The following NDUFS7 variants were observed in gnomAD, a reference collection of about 807,000 sequenced individuals.
The protein encoded by NDUFS7 is NADH:ubiquinone oxidoreductase core subunit S7.
In NDUFS7, 11 loss-of-function variants were observed where a neutral mutation model predicts 31.1. The observed-to-expected ratio is 0.35, with a 90% CI of 0.22 to 0.59. NDUFS7 has a LOEUF of 0.59. Ranked by LOEUF, NDUFS7 falls within the 20% of genes least tolerant of loss-of-function variation. NDUFS7 has a pLI of 0.79. For missense variants in NDUFS7, 263 were observed against 324.2 expected, an observed-to-expected ratio of 0.81 and a Z score of 1.45; for synonymous variants, 136 against 127.9, an observed-to-expected ratio of 1.06 and a Z score of -0.43.
At chr19:1,387,999 C>T (rs1178544791) in intron 2 of NDUFS7, 152 bp downstream of exon 2, 10 of 767,072 alleles carry the variant, frequency 1.3e-5, no homozygotes, top group South Asian at 3.1e-5. Flanking sequence ...GCACGCTGCC[C>T]GTGATGTGCC....
intron 1 of NDUFS7, chr19:1,387,159 A>T (rs2082512645): frequency 6.4e-6 from 1 of 155,942 alleles, no homozygotes; most frequent in Non-Finnish European, 1.4e-5. Flanking sequence ...CGGACTGCAG[A>T]TTCCTGCAGG....
Position 1,388,569 on chromosome 19 carries a change from G to T in NDUFS7, c.98G>T (p.Ser33Ile), listed in dbSNP as rs2082525560. 1 of 1,612,254 alleles carries T rather than the reference G, an allele frequency of 6.2e-7. No homozygotes were observed. The highest frequency in any genetic ancestry group is 8.5e-7 in the Non-Finnish European group (1 of 1,179,892). ...PAVQARGVHQ[S>I]VATDGPSSTQ... ...GTGCAGGCACGAGGTGTCCATCAGA[G>T]CGTGGCCACCGATGGCCCAAGCAGG... Residue 33 changes from serine to isoleucine, a missense_variant, in exon 3 of 8, where the codon AGC becomes ATC. Transcript: ENST00000233627.
intron 7 of NDUFS7, chr19:1,394,667 T>TGCAGACCGCGCTCGG (rs2082583403): frequency 8.2e-7 from 1 of 1,217,624 alleles, no homozygotes. Context: ...CCTCCCTCCC[T>TGCAGACCGCGCTCGG]CCCTGCGGAC....
In NDUFS7 at chr19:1,391,178, C is replaced by G; in HGVS notation, c.455+13C>G. 1 of 1,610,822 alleles carries G rather than the reference C, an allele frequency of 6.2e-7. No homozygotes were observed. Among genetic ancestry groups the G allele is most frequent in the Non-Finnish European group, 8.5e-7 (1 of 1,179,082 alleles). On this transcript the variant is annotated intron_variant, in intron 6 of 7. Transcript: ENST00000233627. Reference sequence around the variant, plus strand: ...TCTCCATGGGGAGGTGAGTGCAGGGCGGGGGGTCTCCAGGGACAGACGTAG... The same window carrying G: ...TCTCCATGGGGAGGTGAGTGCAGGGGGGGGGGTCTCCAGGGACAGACGTAG...
intron 1 of NDUFS7, among the ~76,000 whole-genome samples, chr19:1,385,108 CT>C (rs1208532967): frequency 2.6e-5 from 4 of 152,206 alleles, no homozygotes; most frequent in Non-Finnish European, 5.9e-5. Flanking sequence ...CCAGCCTACG[CT>C]AAGAATTGAA....
In NDUFS7 at chr19:1,387,914, G is replaced by T. The variant is rs575175431; in HGVS notation, c.53+67G>T. 3.9e-4 allele frequency: 158 copies of T among 405,756 alleles called. 9 individuals carry two copies. In the East Asian group the frequency reaches 6.0e-3, roughly 15 times the overall value. 25.1% of individuals were successfully genotyped at this position (405,756 alleles called of 1,614,324 possible). On this transcript the variant is annotated intron_variant, in intron 2 of 7. Coordinates refer to ENST00000233627, the MANE Select transcript of NDUFS7 (RefSeq NM_024407.5). ...CAGCAGCGACAGACGAACGGGGCGG[G>T]GGGGGTGGGGGGTGGGGGGAGCGCC...
chr19:1,394,217 C>A, intron 7 of NDUFS7: 1 of 444,450 alleles, frequency 2.2e-6, no homozygotes, highest in Non-Finnish European at 3.9e-6. Flanking sequence ...CTGGAAAGGG[C>A]GTTGATTTGT....
intron 1 of NDUFS7, among the ~76,000 whole-genome samples, chr19:1,387,582 G>T (rs1177954980): frequency 1.3e-5 from 2 of 152,172 alleles, no homozygotes; most frequent in Non-Finnish European, 1.5e-5. Context: ...GCCAGGGCGG[G>T]GAGACGGGGC....
intron 7 of NDUFS7, 65 bp from the exon 8 acceptor site, chr19:1,395,326 G>T: frequency 6.4e-7 from 1 of 1,550,998 alleles, no homozygotes; most frequent in South Asian, 1.2e-5. Context: ...CGAGCCGGCT[G>T]CGCTGTGCAC....
At chr19:1,389,640 C>T (rs1278895172) in intron 4 of NDUFS7, 2 of 390,038 alleles carry the variant, frequency 5.1e-6, no homozygotes, top group Admixed American at 5.7e-5. Context: ...TCTCGGTACC[C>T]GTTTAAAGCC....
At chr19:1,388,968 G>A (rs375830930) in intron 4 of NDUFS7, 30 bp downstream of exon 4, 8 of 1,552,238 alleles carry the variant, frequency 5.2e-6, no homozygotes, top group African/African-American at 2.7e-5. Context: ...GGCCCTCCTC[G>A]AGCGCCAGGG....
At chr19:1,391,235 C>T (rs1045195707) in intron 6 of NDUFS7, 70 bp downstream of exon 6, 12 of 1,555,134 alleles carry the variant, frequency 7.7e-6, no homozygotes, top group Middle Eastern at 2.1e-4. Flanking sequence ...GCCCTGATGG[C>T]GCTTATCAAA....
chr19:1,384,338 A>T (rs1474728367), intron 1 of NDUFS7, among the ~76,000 whole-genome samples: 1 of 152,122 alleles, frequency 6.6e-6, no homozygotes, highest in Non-Finnish European at 1.5e-5. Flanking sequence ...TCGAGGTCAC[A>T]GGGCCGGGCC....
chr19:1,384,073 G>A, intron 1 of NDUFS7, 131 bp downstream of exon 1: 1 of 1,034,326 alleles, frequency 9.7e-7, no homozygotes, highest in South Asian at 1.8e-5. Context: ...CTCCGAGCCG[G>A]CCGCTCCTCG....
At chr19:1,390,528 G>A (rs193140276) in intron 4 of NDUFS7, 1 of 448,188 alleles carries the variant, frequency 2.2e-6, no homozygotes, top group Admixed American at 3.6e-5. Context: ...AGAGTTCCCG[G>A]TTAGACCTGC....
chr19:1,389,469 C>T (rs768817108), intron 4 of NDUFS7: 14 of 457,584 alleles, frequency 3.1e-5, no homozygotes, highest in Non-Finnish European at 4.8e-5. Flanking sequence ...CTGTGCTGGC[C>T]TGGTGGCCTG....
intron 4 of NDUFS7, chr19:1,389,142 TATGCACACTCGCACAC>T (rs760716793): frequency 1.4e-5 from 10 of 703,054 alleles, no homozygotes; most frequent in African/African-American, 1.4e-4. Flanking sequence ...ACAATGCACA[TATGCACACTCGCACAC>T]ATGCACACTT....
chr19:1,387,443 C>T (rs1172828035), intron 1 of NDUFS7, among the ~76,000 whole-genome samples: 1 of 152,172 alleles, frequency 6.6e-6, no homozygotes, highest in Non-Finnish European at 1.5e-5. Context: ...CAGCAGTGTG[C>T]AAGTGTGAGG....
intron 4 of NDUFS7, chr19:1,389,216 T>C (rs563915787): frequency 2.2e-4 from 148 of 674,334 alleles, no homozygotes; most frequent in Middle Eastern, 1.9e-3. Flanking sequence ...CTTGCACACA[T>C]ACACACATGC....
Sources: gnomAD v4.1 joint callset for allele counts (sites outside exome capture counted in the v4.1 genomes callset) on GRCh38, gnomAD v4.1.1 for gene constraint, MANE v1.5 for transcripts, NCBI Gene and HGNC (gene_info 2026-07-23, HGNC 2026-07-21) for gene names.